The following PSAT1 variants were observed in gnomAD, a reference collection of about 807,000 sequenced individuals.
PSAT1 encodes phosphoserine aminotransferase 1, also known as phosphoserine aminotransferase.
In PSAT1, 41 loss-of-function variants were observed where a neutral mutation model predicts 40.3. That is an observed-to-expected ratio of 1.02 (90% confidence interval 0.79 to 1.32). The LOEUF (loss-of-function observed/expected upper bound fraction) is 1.32, where lower values mean the gene tolerates loss of function less well. PSAT1 is among the 40% of genes most tolerant of loss of function. The probability of loss-of-function intolerance (pLI) is 0.00; values close to 1 mark genes in which losing one functional copy is unlikely to be tolerated. For missense variants in PSAT1, 406 were observed against 455.8 expected (o/e 0.89, Z 0.99); for synonymous variants, 147 against 170.5 (o/e 0.86, Z 1.07).
chr9:78,317,248 A>G (rs1828358090), intron 6 of PSAT1, among the ~76,000 whole-genome samples: 1 of 145,518 alleles, frequency 6.9e-6, no homozygotes, highest in Non-Finnish European at 1.5e-5. Context: ...TGTCTTGTGT[A>G]TTTTCTTTCT....
At position 78,298,469 on chromosome 9, in the gene PSAT1, T is replaced by C. The variant is rs1193983698; in HGVS notation, c.60+1199T>C. The C allele has an allele frequency of 3.1e-6, 3 of 979,042 alleles. No individual in the cohort carries two copies. The African/African-American group carries it at 5.3e-5, about 17-fold the overall frequency. The allele number at this position is 979,042 out of a possible 1,614,324, so 60.6% of individuals were successfully genotyped here. ...TTCTAGGGGCAGCGCTCACAGTAGC[T>C]GAGAGGACAGGGCTTATTTTTTCTC... On this transcript the variant is annotated intron_variant, in intron 1 of 8. Coordinates refer to ENST00000376588, the MANE Select transcript of PSAT1 (RefSeq NM_058179.4).
At position 78,327,912 on chromosome 9, in the gene PSAT1, G is replaced by C. The variant is rs10867184; in HGVS notation, c.870-139G>C. Reference sequence around the variant, plus strand: ...CCTAAGTAAACAATAAATGTGCTGGGGCAGATTTTTTGTTTTTTGTTTTTT... The same window carrying C: ...CCTAAGTAAACAATAAATGTGCTGGCGCAGATTTTTTGTTTTTTGTTTTTT... On this transcript the variant is annotated intron_variant, in intron 7 of 8. Coordinates refer to ENST00000376588, the MANE Select transcript of PSAT1 (RefSeq NM_058179.4). 283,325 of 840,812 alleles carry C rather than the reference G, an allele frequency of 0.34. 53,771 individuals carry two copies. Among genetic ancestry groups the C allele is most frequent in the African/African-American group, 0.63 (36,539 of 57,890 alleles). 52.1% of individuals were successfully genotyped at this position (840,812 alleles called of 1,614,324 possible).
chr9:78,310,941 T>C (rs566909018), intron 6 of PSAT1, among the ~76,000 whole-genome samples: 26 of 152,288 alleles, frequency 1.7e-4, no homozygotes, highest in African/African-American at 5.5e-4. Flanking sequence ...AAAATTCTGC[T>C]GGGTTTCTGC....
intron 1 of PSAT1, 108 bp from the exon 2 acceptor site, chr9:78,300,494 G>C: frequency 7.2e-7 from 1 of 1,386,880 alleles, no homozygotes; most frequent in South Asian, 1.6e-5. Flanking sequence ...GGAAGCCTGG[G>C]GACCTCACTG....
At chr9:78,328,566 C>G (rs1038371088) in intron 8 of PSAT1, among the ~76,000 whole-genome samples, 4 of 152,160 alleles carry the variant, frequency 2.6e-5, no homozygotes, top group Non-Finnish European at 5.9e-5. Flanking sequence ...CTTGCATGCT[C>G]TATGAAAAAT....
chr9:78,325,444 C>T (rs781640996), intron 7 of PSAT1, among the ~76,000 whole-genome samples: 1 of 152,244 alleles, frequency 6.6e-6, no homozygotes, highest in Non-Finnish European at 1.5e-5. Context: ...GTCTTCCAGC[C>T]ACCCCAGCCA....
intron 6 of PSAT1, among the ~76,000 whole-genome samples, chr9:78,312,056 T>C (rs1564015985): frequency 7.7e-6 from 1 of 130,594 alleles, no homozygotes; most frequent in Admixed American, 7.9e-5. Context: ...ACGCCTTTTT[T>C]TTTTTTTCCC....
intron 1 of PSAT1, among the ~76,000 whole-genome samples, chr9:78,299,648 G>T (rs1828079320): frequency 6.6e-6 from 1 of 150,928 alleles, no homozygotes; most frequent in Non-Finnish European, 1.5e-5. Flanking sequence ...GAGTAACTGG[G>T]ATTACAGGCA....
At chr9:78,319,051 C>T (rs1326717811) in intron 7 of PSAT1, among the ~76,000 whole-genome samples, 1 of 152,170 alleles carries the variant, frequency 6.6e-6, no homozygotes, top group Non-Finnish European at 1.5e-5. Flanking sequence ...ACTGAGAACC[C>T]CCTTCTTAGT....
chr9:78,299,402 G>T (rs1828074300), intron 1 of PSAT1, among the ~76,000 whole-genome samples: 1 of 151,294 alleles, frequency 6.6e-6, no homozygotes, highest in South Asian at 2.1e-4. Context: ...TAAAAGAAAA[G>T]ATTCACTCTA....
chr9:78,319,172 C>T (rs1236185645), intron 7 of PSAT1, among the ~76,000 whole-genome samples: 10 of 152,198 alleles, frequency 6.6e-5, no homozygotes, highest in Admixed American at 5.9e-4. Flanking sequence ...ACCGACAAAA[C>T]GATGCCTCTG....
At chr9:78,314,318 GTCACA>G (rs1828309275) in intron 6 of PSAT1, among the ~76,000 whole-genome samples, 1 of 125,996 alleles carries the variant, frequency 7.9e-6, no homozygotes, top group Non-Finnish European at 1.7e-5. Flanking sequence ...GTTAAGTAGA[GTCACA>G]GGGGCTAGAC....
At chr9:78,317,026 G>A (rs1190682312) in intron 6 of PSAT1, among the ~76,000 whole-genome samples, 4 of 152,046 alleles carry the variant, frequency 2.6e-5, no homozygotes, top group African/African-American at 9.7e-5. Context: ...TGGGATTGGG[G>A]TCTGCTGATG....
At chr9:78,302,644 G>T (rs1473911916) in intron 3 of PSAT1, among the ~76,000 whole-genome samples, 1 of 149,798 alleles carries the variant, frequency 6.7e-6, no homozygotes, top group Non-Finnish European at 1.5e-5. Context: ...TGAGGCAGGA[G>T]AATCGCTTGA....
At chr9:78,324,632 C>A (rs1828471994) in intron 7 of PSAT1, among the ~76,000 whole-genome samples, 2 of 152,256 alleles carry the variant, frequency 1.3e-5, no homozygotes, top group South Asian at 4.1e-4. Context: ...TTTAAAAACA[C>A]AACTTGAGCC....
intron 6 of PSAT1, among the ~76,000 whole-genome samples, chr9:78,317,226 G>A (rs1318041153): frequency 6.6e-6 from 1 of 151,872 alleles, no homozygotes; most frequent in Non-Finnish European, 1.5e-5. Context: ...TTGTTCACAT[G>A]GGCCCTGCTT....
At chr9:78,309,988 A>T (rs1370251816) in intron 6 of PSAT1, among the ~76,000 whole-genome samples, 1 of 152,206 alleles carries the variant, frequency 6.6e-6, no homozygotes, top group Non-Finnish European at 1.5e-5. Context: ...CTGTGTATAT[A>T]TATAAAAATT....
rs1308978768 is a variant in PSAT1 at position 78,301,950 on chromosome 9, A to G, written c.122-4A>G. ...GTTATTGTTGTTTATCTTTCCTTTC[A>G]CAGAAATGAGTCACAGGTCATCAGA... On this transcript the variant is annotated splice_region_variant and splice_polypyrimidine_tract_variant and intron_variant, in intron 2 of 8. Transcript: ENST00000376588. 1.2e-6 allele frequency: 2 copies of G among 1,600,420 alleles called. No homozygotes were observed. Among genetic ancestry groups the G allele is most frequent in the South Asian group, 1.1e-5 (1 of 90,836 alleles).
At chr9:78,301,792 T>A (rs1487463137) in intron 2 of PSAT1, among the ~76,000 whole-genome samples, 162 bp from the exon 3 acceptor site, 1 of 152,254 alleles carries the variant, frequency 6.6e-6, no homozygotes, top group Non-Finnish European at 1.5e-5. Context: ...GAAAATCAGT[T>A]TGTATGGTCC....
Sources: gnomAD v4.1 joint callset for allele counts (sites outside exome capture counted in the v4.1 genomes callset) on GRCh38, gnomAD v4.1.1 for gene constraint, MANE v1.5 for transcripts, NCBI Gene and HGNC (gene_info 2026-07-23, HGNC 2026-07-21) for gene names.